SV2C: variants seen among roughly 807,000 people sequenced by gnomAD.
SV2C encodes the protein synaptic vesicle glycoprotein 2C, also known as solute carrier family 22 member B3.
A neutral mutation model predicts 79.7 loss-of-function variants in SV2C; 49 were observed. The ratio of observed to expected loss-of-function variants is 0.61; its 90% CI spans 0.49 to 0.78. The LOEUF is 0.78. Among genes scored for constraint, SV2C ranks in the 30% least tolerant of loss-of-function variants. The probability of loss-of-function intolerance (pLI) is 0.00; values close to 1 mark genes in which losing one functional copy is unlikely to be tolerated. For synonymous variants in SV2C, 334 were observed against 333.2 expected, an observed-to-expected ratio of 1.00 and a Z score of -0.03; for missense variants, 833 against 912.9, an observed-to-expected ratio of 0.91 and a Z score of 1.13.
At chr5:76,224,621 A>T (rs1272962702) in intron 4 of SV2C, among the ~76,000 whole-genome samples, 1 of 152,210 alleles carries the variant, frequency 6.6e-6, no homozygotes, top group East Asian at 1.9e-4. Flanking sequence ...GACTTACAGG[A>T]CAAGAGATAC....
chr5:75,906,303 G>T, the SV2C span, among the ~76,000 whole-genome samples: 92 of 152,286 alleles, frequency 6.0e-4, no homozygotes, highest in African/African-American at 2.1e-3. Flanking sequence ...TGTTACAGCA[G>T]TGCCAGGAAA....
At chr5:75,854,198 A>G in the SV2C span, among the ~76,000 whole-genome samples, 3 of 152,250 alleles carry the variant, frequency 2.0e-5, no homozygotes, top group East Asian at 1.9e-4. Context: ...TTTTTCACAT[A>G]TATGTACTTC....
intron 4 of SV2C, chr5:76,242,151 C>T (rs1189529142): frequency 2.3e-6 from 3 of 1,316,852 alleles, no homozygotes; most frequent in South Asian, 1.2e-5. Context: ...TACCTTCTCT[C>T]CCTTCTTTGC....
chr5:76,032,699 A>G, the SV2C span, among the ~76,000 whole-genome samples: 1 of 152,316 alleles, frequency 6.6e-6, no homozygotes, highest in Admixed American at 6.5e-5. Context: ...ATAATGCCGC[A>G]ATAAACATAT....
chr5:76,085,433 A>G lies in SV2C; in HGVS notation c.-102+1921A>G, dbSNP rs113783357. 2.2e-4 allele frequency among the ~76,000 whole-genome samples: 33 copies of G among 152,288 alleles called. No individual in the cohort carries two copies. The Middle Eastern group carries it at 0.014, about 63-fold the overall frequency. On this transcript the variant is annotated intron_variant, in intron 1 of 12. Transcript: ENST00000502798. ...CACGATCCATTTTATTCTTTTTTTTAAAGACCACTTTCTGGAAACCCAGTG... is the reference window on the plus strand; with the variant it reads ...CACGATCCATTTTATTCTTTTTTTTGAAGACCACTTTCTGGAAACCCAGTG...
intron 2 of SV2C, among the ~76,000 whole-genome samples, chr5:76,149,758 GTCTT>G (rs1749544687): frequency 1.3e-5 from 2 of 152,092 alleles, no homozygotes; most frequent in African/African-American, 2.4e-5. Context: ...ATTTATGCTG[GTCTT>G]TCTTTCTTAT....
In SV2C at chr5:76,174,316, G is replaced by A. The variant is rs550057405; in HGVS notation, c.581-20603G>A. ...ACGGCGGTCCTGCCGCTGCCGCGCC[G>A]CTCCGGCTGGTTTACACGCCTGAAT... On this transcript the variant is annotated intron_variant, in intron 2 of 12. Transcript: ENST00000502798. 86 of 818,172 alleles carry A rather than the reference G, an allele frequency of 1.1e-4. 1 individual carries two copies. Among genetic ancestry groups the A allele is most frequent in the South Asian group, 6.7e-4 (41 of 61,274 alleles). The allele number at this position is 818,172 out of a possible 1,614,324, so 50.7% of individuals were successfully genotyped here.
At chr5:76,296,469 A>G (rs1305384490) in intron 9 of SV2C, among the ~76,000 whole-genome samples, 2 of 152,180 alleles carry the variant, frequency 1.3e-5, no homozygotes, top group East Asian at 3.9e-4. Context: ...AAGGGCTTTG[A>G]AAGACGGAAG....
chr5:76,131,721 A>T lies in SV2C; in HGVS notation c.-30A>T. On this transcript the variant is annotated 5_prime_UTR_variant, in exon 2 of 13. Coordinates refer to ENST00000502798, the MANE Select transcript of SV2C (RefSeq NM_014979.4). ...TGAAAGGAGGCTGTGAAAATTTCCC[A>T]TCTTCTCATTGGCCATCAGTTGAGA... 1.3e-6 allele frequency: 2 copies of T among 1,549,888 alleles called. No homozygotes were observed. The highest frequency in any genetic ancestry group is 1.7e-6 in the Non-Finnish European group (2 of 1,145,364).
At chr5:76,319,851 C>A (rs571958306) in intron 12 of SV2C, among the ~76,000 whole-genome samples, 1 of 152,300 alleles carries the variant, frequency 6.6e-6, no homozygotes, top group South Asian at 2.1e-4. Context: ...GGTTACTCTG[C>A]AGTTTCAGCA....
the SV2C span, among the ~76,000 whole-genome samples, chr5:75,954,850 C>G: frequency 1.4e-5 from 2 of 141,944 alleles, no homozygotes; most frequent in Non-Finnish European, 3.0e-5. Flanking sequence ...ATGTGAAGGA[C>G]CTCTTCAAGG....
upstream of SV2C, chr5:76,078,692 C>A (rs995449605): frequency 8.2e-6 from 4 of 488,374 alleles, no homozygotes; most frequent in Non-Finnish European, 1.6e-5. Flanking sequence ...ACAGCAAGAT[C>A]AACTTCATGC....
chr5:75,955,014 T>C, the SV2C span, among the ~76,000 whole-genome samples: 2 of 147,316 alleles, frequency 1.4e-5, no homozygotes, highest in African/African-American at 5.3e-5. Context: ...AAGCTACCAA[T>C]GACTTTCTTC....
At chr5:76,116,568 A>G (rs1026948080) in intron 1 of SV2C, among the ~76,000 whole-genome samples, 5 of 152,166 alleles carry the variant, frequency 3.3e-5, no homozygotes, top group South Asian at 2.1e-4. Flanking sequence ...TTTCCCTCAC[A>G]TAAGTTCCAG....
At chr5:76,309,391 GAGATCGAGA>G (rs1406811194) in intron 12 of SV2C, among the ~76,000 whole-genome samples, 6 of 151,962 alleles carry the variant, frequency 3.9e-5, no homozygotes, top group African/African-American at 1.4e-4. Context: ...ACGAGGTCAG[GAGATCGAGA>G]CCATCCTGGC....
the SV2C span, among the ~76,000 whole-genome samples, chr5:75,860,136 A>G: frequency 6.6e-6 from 1 of 152,188 alleles, no homozygotes. Flanking sequence ...TATACCTAGA[A>G]AATCCTAAGG....
the SV2C span, among the ~76,000 whole-genome samples, chr5:75,991,699 G>GATATATATATAT: frequency 2.0e-5 from 3 of 148,604 alleles, no homozygotes; most frequent in Non-Finnish European, 4.5e-5. Flanking sequence ...AAAACCATCA[G>GATATATATATAT]ATAGATATAT....
the SV2C span, among the ~76,000 whole-genome samples, chr5:75,848,626 A>G: frequency 6.6e-6 from 1 of 152,218 alleles, no homozygotes; most frequent in Admixed American, 6.5e-5. Context: ...GAATAAAACA[A>G]TTGAACATGT....
At chr5:76,353,611 T>G (rs1749684285) in exon 13 of SV2C, 1 of 152,606 alleles carries the variant, frequency 6.6e-6, no homozygotes, top group South Asian at 2.1e-4. Flanking sequence ...CCTCCTTGTA[T>G]TCCCACTAGG....
Sources: allele counts gnomAD v4.1 joint callset (sites outside exome capture counted in the v4.1 genomes callset), GRCh38; gene constraint gnomAD v4.1.1; transcripts MANE v1.5; gene names NCBI Gene and HGNC (gene_info 2026-07-23, HGNC 2026-07-21).